The following RPS6KA5 variants were observed in gnomAD, a reference collection of about 807,000 sequenced individuals.
The protein encoded by RPS6KA5 is ribosomal protein S6 kinase alpha-5.
A neutral mutation model predicts 85.5 loss-of-function variants in RPS6KA5; 27 were observed. The observed-to-expected ratio is 0.32, with a 90% CI of 0.23 to 0.44. RPS6KA5 has a LOEUF of 0.44. Ranked by LOEUF, RPS6KA5 falls within the 20% of genes least tolerant of loss-of-function variation. RPS6KA5 has a pLI of 1.00. For synonymous variants in RPS6KA5, 334 were observed against 348.2 expected (o/e 0.96, Z 0.46); for missense variants, 811 against 980.9 (o/e 0.83, Z 2.31).
chr14:90,883,916 T>C (rs1360702615), intron 14 of RPS6KA5, among the ~76,000 whole-genome samples: 3 of 152,246 alleles, frequency 2.0e-5, no homozygotes, highest in South Asian at 4.1e-4. Context: ...TGCCTGGGCA[T>C]GCCTGGTAGC....
chr14:90,991,467 C>A (rs11627797), intron 2 of RPS6KA5, among the ~76,000 whole-genome samples: 3,041 of 152,036 alleles, frequency 0.02, 44 homozygotes, highest in Non-Finnish European at 0.031. Context: ...TTTGGAAGGC[C>A]GAGGCAGGTG....
intron 1 of RPS6KA5, among the ~76,000 whole-genome samples, chr14:91,025,004 C>T (rs2041932806): frequency 6.6e-6 from 1 of 151,900 alleles, no homozygotes; most frequent in African/African-American, 2.4e-5. Context: ...GCCTCAGCTT[C>T]CCAATAGCTG....
intron 7 of RPS6KA5, among the ~76,000 whole-genome samples, chr14:90,910,559 ATG>A (rs1433730525): frequency 2.7e-5 from 4 of 145,490 alleles, no homozygotes; most frequent in East Asian, 3.8e-4. Flanking sequence ...AGCTTTGTAC[ATG>A]TGTTTTTGTG....
In RPS6KA5 at chr14:90,869,770, C is replaced by T. The variant is rs2032983724; in HGVS notation, c.*2304G>A. ...ACACAGCCTGCATAGGACCTAACTGCTTCAAACTTGGCATCAAATGCTGTC... is the reference window on the plus strand; with the variant it reads ...ACACAGCCTGCATAGGACCTAACTGTTTCAAACTTGGCATCAAATGCTGTC... On this transcript the variant is annotated 3_prime_UTR_variant, in exon 17 of 17. Transcript: ENST00000614987. The T allele has an allele frequency of 6.6e-6, 1 of 152,180 alleles. No individual in the cohort carries two copies. The highest frequency in any genetic ancestry group is 2.1e-4 in the South Asian group (1 of 4,836). The allele number at this position is 152,180 out of a possible 1,614,324, so 9.4% of individuals were successfully genotyped here. A position where few individuals can be genotyped will look rare whatever the true frequency, so the allele number is the denominator to read the frequency against.
intron 7 of RPS6KA5, among the ~76,000 whole-genome samples, chr14:90,908,126 T>A (rs552572089): frequency 6.6e-6 from 1 of 152,312 alleles, no homozygotes; most frequent in South Asian, 2.1e-4. Context: ...GAACAGTCAG[T>A]CCTGCGAAGG....
At position 90,855,808 on chromosome 14, in the gene RPS6KA5, C is replaced by A. The variant is rs543547033; in HGVS notation, c.*16266G>T. On this transcript the variant is annotated 3_prime_UTR_variant, in exon 17 of 17. Coordinates refer to ENST00000614987, the MANE Select transcript of RPS6KA5 (RefSeq NM_004755.4). ...ATTTTTAGTAAAGACGGGGTTTCAC[C>A]GTGTTAGCCAGGATGGTCTCGATCT... 1 of 152,254 alleles carries A rather than the reference C, an allele frequency of 6.6e-6. No homozygotes were observed. The highest frequency in any genetic ancestry group is 2.1e-4 in the South Asian group (1 of 4,816). The allele number at this position is 152,254 out of a possible 1,614,324, so 9.4% of individuals were successfully genotyped here.
chr14:91,037,740 T>C (rs1314068703), intron 1 of RPS6KA5, among the ~76,000 whole-genome samples: 2 of 152,224 alleles, frequency 1.3e-5, no homozygotes, highest in East Asian at 1.9e-4. Flanking sequence ...CAGTGTATCC[T>C]AGGACCAAGT....
intron 1 of RPS6KA5, among the ~76,000 whole-genome samples, chr14:91,013,199 T>C (rs1158360112): frequency 6.6e-6 from 1 of 152,250 alleles, no homozygotes; most frequent in Non-Finnish European, 1.5e-5. Context: ...AGACTCTACA[T>C]GTAAGCTATA....
chr14:90,969,671 C>T (rs12433265), intron 3 of RPS6KA5, among the ~76,000 whole-genome samples: 3,926 of 152,276 alleles, frequency 0.026, 66 homozygotes, highest in Non-Finnish European at 0.037. Flanking sequence ...CTTTCACTCT[C>T]CAAACACCCA....
At chr14:91,012,787 C>G (rs561049106) in intron 1 of RPS6KA5, among the ~76,000 whole-genome samples, 4 of 152,308 alleles carry the variant, frequency 2.6e-5, no homozygotes, top group African/African-American at 9.6e-5. Context: ...ATTTCTGAAG[C>G]TAGGCAAAAG....
Position 90,854,436 on chromosome 14 carries a change from TG to T in RPS6KA5, c.*17637del, listed in dbSNP as rs768716130. 5.3e-5 allele frequency: 8 copies of T among 152,298 alleles called. No homozygotes were observed. The highest frequency in any genetic ancestry group is 5.9e-5 in the Non-Finnish European group (4 of 68,002). 9.4% of individuals were successfully genotyped at this position (152,298 alleles called of 1,614,324 possible). A position where few individuals can be genotyped will look rare whatever the true frequency, so the allele number is the denominator to read the frequency against. ...CAAATTTTTATTTTAGATTTCACAA[TG>T]TACACTTGTCTCAAGTAAGTCTATT... On this transcript the variant is annotated 3_prime_UTR_variant, in exon 17 of 17. Transcript: ENST00000614987.
intron 14 of RPS6KA5, among the ~76,000 whole-genome samples, chr14:90,877,799 C>T (rs929519641): frequency 1.3e-5 from 2 of 152,222 alleles, no homozygotes; most frequent in African/African-American, 4.8e-5. Flanking sequence ...CTGCAAACAA[C>T]TGCTTTGTCA....
chr14:90,968,736 GC>G lies in RPS6KA5; in HGVS notation c.394+9569del, dbSNP rs994086769. Among the ~76,000 whole-genome samples, 21 of 152,228 alleles carry G rather than the reference GC, an allele frequency of 1.4e-4. 1 individual carries two copies. The highest frequency in any genetic ancestry group is 4.3e-4 in the African/African-American group (18 of 41,544). On this transcript the variant is annotated intron_variant, in intron 3 of 16. Coordinates refer to ENST00000614987, the MANE Select transcript of RPS6KA5 (RefSeq NM_004755.4). ...GCCTCTATGGATCAGCCCAAATTGA[GC>G]CCCTCAAAAATGGTTATGTTAACCC...
At chr14:90,997,031 G>C (rs543279768) in intron 2 of RPS6KA5, among the ~76,000 whole-genome samples, 27 of 152,098 alleles carry the variant, frequency 1.8e-4, no homozygotes, top group South Asian at 8.3e-4. Flanking sequence ...AAGACACTAT[G>C]AACTCTTCAG....
intron 1 of RPS6KA5, among the ~76,000 whole-genome samples, chr14:91,043,658 T>C (rs182014906): frequency 7.2e-5 from 11 of 152,336 alleles, no homozygotes; most frequent in East Asian, 5.8e-4. Flanking sequence ...ACTTATACCA[T>C]AGATGTCCAT....
At chr14:90,887,945 C>CAAAAA (rs34947711) in intron 14 of RPS6KA5, among the ~76,000 whole-genome samples, 7 of 42,766 alleles carry the variant, frequency 1.6e-4, no homozygotes, top group Admixed American at 3.6e-4. Context: ...GAGGCTATCG[C>CAAAAA]AAAAAAAAAA....
At chr14:91,011,071 T>C (rs1368284294) in intron 1 of RPS6KA5, among the ~76,000 whole-genome samples, 1 of 152,178 alleles carries the variant, frequency 6.6e-6, no homozygotes, top group African/African-American at 2.4e-5. Flanking sequence ...ATGAGATCTA[T>C]GCAAAGTCAC....
chr14:90,914,438 C>T (rs1406758178), intron 7 of RPS6KA5, among the ~76,000 whole-genome samples: 1 of 151,100 alleles, frequency 6.6e-6, no homozygotes, highest in Non-Finnish European at 1.5e-5. Context: ...CCTCAGCCTC[C>T]TGAGTAGCTG....
At chr14:91,040,179 GGC>G (rs1222958003) in intron 1 of RPS6KA5, among the ~76,000 whole-genome samples, 1 of 152,216 alleles carries the variant, frequency 6.6e-6, no homozygotes, top group Non-Finnish European at 1.5e-5. Context: ...GGCTGAGGCG[GGC>G]AGATCACTTG....
Sources: allele counts gnomAD v4.1 joint callset (sites outside exome capture counted in the v4.1 genomes callset), GRCh38; gene constraint gnomAD v4.1.1; transcripts MANE v1.5; gene names NCBI Gene and HGNC (gene_info 2026-07-23, HGNC 2026-07-21).